EXOC4: variants seen among roughly 807,000 people sequenced by gnomAD.
EXOC4 encodes SEC8-like 1.
Under a neutral mutation model 107.2 loss-of-function variants are expected in EXOC4, and 71 were observed. The ratio of observed to expected loss-of-function variants is 0.66; its 90% confidence interval spans 0.55 to 0.81. EXOC4 has a LOEUF of 0.81. Among genes scored for constraint, EXOC4 ranks in the 30% least tolerant of loss-of-function variants. The pLI is 0.00. For missense variants in EXOC4, 1,108 were observed against 1,189.6 expected (o/e 0.93, Z 1.01); for synonymous variants, 456 against 441.2 (o/e 1.03, Z -0.42).
intron 9 of EXOC4, among the ~76,000 whole-genome samples, chr7:133,520,681 G>T (rs1164174236): frequency 6.6e-6 from 1 of 152,014 alleles, no homozygotes; most frequent in Non-Finnish European, 1.5e-5. Context: ...AGATCTTTCT[G>T]GTGCCATTTT....
intron 5 of EXOC4, among the ~76,000 whole-genome samples, chr7:133,332,134 A>G (rs1795408745): frequency 6.6e-6 from 1 of 152,140 alleles, no homozygotes; most frequent in South Asian, 2.1e-4. Flanking sequence ...TGGCCTCTTT[A>G]TTCATTTTAT....
intron 7 of EXOC4, among the ~76,000 whole-genome samples, chr7:133,376,481 A>C (rs2150692415): frequency 1.3e-5 from 2 of 152,326 alleles, no homozygotes; most frequent in Middle Eastern, 3.4e-3. Flanking sequence ...TGATGAAGTT[A>C]CCCTTTGCTG....
At chr7:133,358,428 A>G (rs1796070717) in intron 6 of EXOC4, among the ~76,000 whole-genome samples, 1 of 152,192 alleles carries the variant, frequency 6.6e-6, no homozygotes, top group Non-Finnish European at 1.5e-5. Flanking sequence ...ATGCGTGTGT[A>G]TATGAATATA....
chr7:134,046,561 T>A (rs1466672392), intron 17 of EXOC4, among the ~76,000 whole-genome samples: 2 of 151,622 alleles, frequency 1.3e-5, no homozygotes, highest in Non-Finnish European at 2.9e-5. Context: ...TGATTTTTTT[T>A]TTTTTCTGAG....
At chr7:133,711,234 C>T (rs1163663185) in intron 10 of EXOC4, among the ~76,000 whole-genome samples, 1 of 152,190 alleles carries the variant, frequency 6.6e-6, no homozygotes, top group Non-Finnish European at 1.5e-5. Flanking sequence ...TGATGCCTGG[C>T]TTCTTTCTTA....
At chr7:133,679,534 G>A (rs887547190) in intron 10 of EXOC4, among the ~76,000 whole-genome samples, 156 of 143,862 alleles carry the variant, frequency 1.1e-3, no homozygotes, top group South Asian at 5.8e-3. Context: ...CCATCCATCC[G>A]TCCGTCCGTC....
intron 9 of EXOC4, among the ~76,000 whole-genome samples, chr7:133,516,064 G>A (rs954284401): frequency 9.9e-5 from 15 of 152,070 alleles, no homozygotes; most frequent in African/African-American, 3.6e-4. Context: ...GAAGACTATC[G>A]ATGCATCACT....
chr7:133,361,424 G>T (rs113478321), intron 6 of EXOC4, among the ~76,000 whole-genome samples: 1 of 152,150 alleles, frequency 6.6e-6, no homozygotes, highest in Non-Finnish European at 1.5e-5. Context: ...GGGACTACAG[G>T]TGCCTGCCAC....
chr7:133,489,893 C>A (rs1267642287), intron 9 of EXOC4, among the ~76,000 whole-genome samples: 3 of 152,140 alleles, frequency 2.0e-5, no homozygotes, highest in Non-Finnish European at 2.9e-5. Context: ...ACAGGGCCAC[C>A]CAAAATAGGA....
In EXOC4 at chr7:133,840,960, G is replaced by A. The variant is rs189854803; in HGVS notation, c.1734+23416G>A. The stretch of plus-strand genomic sequence containing the variant: ...AAGGCAGTAGGAAATGGAAGAATGG[G>A]TATTGTCATAGGCCATTCGGGCTGC... On this transcript the variant is annotated intron_variant, in intron 11 of 17. Coordinates refer to ENST00000253861, the MANE Select transcript of EXOC4 (RefSeq NM_021807.4). Among the ~76,000 whole-genome samples the A allele has an allele frequency of 9.9e-4, 151 of 152,302 alleles. 2 individuals carry two copies. The highest frequency in any genetic ancestry group is 3.5e-3 in the African/African-American group (147 of 41,564).
intron 10 of EXOC4, among the ~76,000 whole-genome samples, chr7:133,713,295 A>G (rs1794932131): frequency 6.6e-6 from 1 of 152,230 alleles, no homozygotes; most frequent in South Asian, 2.1e-4. Flanking sequence ...TGGAAGGAAT[A>G]TGGACCATGT....
chr7:133,528,295 T>C (rs1315132649), intron 9 of EXOC4, among the ~76,000 whole-genome samples: 1 of 152,084 alleles, frequency 6.6e-6, no homozygotes, highest in Non-Finnish European at 1.5e-5. Flanking sequence ...GTCCTCTAGA[T>C]TCGAGAGAAA....
intron 9 of EXOC4, chr7:133,480,487 C>T (rs1799128501): frequency 1.4e-5 from 15 of 1,078,026 alleles, no homozygotes; most frequent in South Asian, 2.9e-5. Context: ...TTTTTGACAC[C>T]TTCTAGAATA....
chr7:134,048,460 C>T (rs370579700), intron 17 of EXOC4, among the ~76,000 whole-genome samples: 1 of 152,154 alleles, frequency 6.6e-6, no homozygotes, highest in African/African-American at 2.4e-5. Context: ...AGGTTAGAGG[C>T]AAGATGGAGT....
At chr7:133,639,425 C>G (rs1279109594) in intron 10 of EXOC4, among the ~76,000 whole-genome samples, 1 of 152,032 alleles carries the variant, frequency 6.6e-6, no homozygotes, top group Non-Finnish European at 1.5e-5. Context: ...ATGTGTCATA[C>G]TGCCTGTGAA....
intron 13 of EXOC4, among the ~76,000 whole-genome samples, chr7:133,922,848 CAA>C (rs1308126551): frequency 5.0e-5 from 6 of 120,222 alleles, no homozygotes; most frequent in Non-Finnish European, 5.4e-5. Flanking sequence ...GACTCCGTCT[CAA>C]AAAAAAAAAA....
intron 17 of EXOC4, among the ~76,000 whole-genome samples, chr7:134,009,446 C>T (rs1054699728): frequency 6.6e-6 from 1 of 152,142 alleles, no homozygotes; most frequent in African/African-American, 2.4e-5. Context: ...TGTTCCTCTG[C>T]TTTTCTGTCC....
intron 1 of EXOC4, among the ~76,000 whole-genome samples, chr7:133,259,134 A>G (rs1434218347): frequency 6.6e-6 from 1 of 152,094 alleles, no homozygotes; most frequent in African/African-American, 2.4e-5. Context: ...ATTTTTTAAA[A>G]TATTGCTATA....
At chr7:133,861,020 T>C (rs573898967) in intron 11 of EXOC4, among the ~76,000 whole-genome samples, 5 of 152,240 alleles carry the variant, frequency 3.3e-5, no homozygotes, top group Admixed American at 1.3e-4. Context: ...TCCAAAGATA[T>C]CCAAATACTA....
Sources: gnomAD v4.1 joint callset for allele counts (sites outside exome capture counted in the v4.1 genomes callset) on GRCh38, gnomAD v4.1.1 for gene constraint, MANE v1.5 for transcripts, NCBI Gene and HGNC (gene_info 2026-07-23, HGNC 2026-07-21) for gene names.